The following GOSR2 variants were observed in gnomAD, a reference collection of about 807,000 sequenced individuals.
GOSR2 encodes 27 kDa Golgi SNARE protein.
In GOSR2, 20 loss-of-function variants were observed where a neutral mutation model predicts 27.9. The ratio of observed to expected loss-of-function variants is 0.72; its 90% CI spans 0.50 to 1.04. The LOEUF (loss-of-function observed/expected upper bound fraction) is 1.04, where lower values mean the gene tolerates loss of function less well. Ranked by LOEUF, GOSR2 falls within the 50% of genes least tolerant of loss-of-function variation. The pLI is 0.00. For missense variants in GOSR2, 261 were observed against 270.5 expected (o/e 0.97, Z 0.25); for synonymous variants, 91 against 98.8 (o/e 0.92, Z 0.47).
Position 46,939,348 on chromosome 17 carries a change from G to A in GOSR2, c.*588G>A, listed in dbSNP as rs1342325710. ...AGCAGCTACCTAGGGGAAACAAGAT[G>A]TAGTGCTATTGCCGATAACAAGTAA... On this transcript the variant is annotated 3_prime_UTR_variant, in exon 6 of 6. Coordinates refer to ENST00000640051, the MANE Select transcript of GOSR2 (RefSeq NM_004287.5). 9.9e-7 allele frequency: 1 copy of A among 1,007,354 alleles called. No individual in the cohort carries two copies. Among genetic ancestry groups the A allele is most frequent in the Non-Finnish European group, 1.2e-6 (1 of 840,988 alleles). 62.4% of individuals were successfully genotyped at this position (1,007,354 alleles called of 1,614,324 possible).
At chr17:46,924,934 A>T (rs2086261774) in intron 1 of GOSR2, among the ~76,000 whole-genome samples, 1 of 152,226 alleles carries the variant, frequency 6.6e-6, no homozygotes, top group Admixed American at 6.5e-5. Context: ...CAAGAAGGCC[A>T]TGACCCATTT....
intron 1 of GOSR2, chr17:46,923,631 G>A (rs7225428): frequency 0.6 from 730,208 of 1,209,752 alleles, 221,307 homozygotes; most frequent in Non-Finnish European, 0.61. Flanking sequence ...TGGAGAGTCA[G>A]GGCACGTACG....
Position 46,941,550 on chromosome 17 carries a change from C to A in GOSR2, c.*2790C>A. On this transcript the variant is annotated 3_prime_UTR_variant, in exon 6 of 6. Transcript: ENST00000640051. ...GCCTACCCCAGATCTGAATTAGAACCTTTTTTAAATCTCTAAGGTGATTTT... is the reference window on the plus strand; with the variant it reads ...GCCTACCCCAGATCTGAATTAGAACATTTTTTAAATCTCTAAGGTGATTTT... 3.3e-6 allele frequency: 1 copy of A among 302,102 alleles called. No homozygotes were observed. Among genetic ancestry groups the A allele is most frequent in the Non-Finnish European group, 4.9e-6 (1 of 205,446 alleles). 18.7% of individuals were successfully genotyped at this position (302,102 alleles called of 1,614,324 possible).
intron 1 of GOSR2, among the ~76,000 whole-genome samples, chr17:46,925,372 A>G (rs1468888435): frequency 3.3e-5 from 5 of 152,186 alleles, no homozygotes; most frequent in African/African-American, 1.2e-4. Flanking sequence ...AGCACCTACT[A>G]TGTGCTGTGC....
At chr17:46,973,353 G>A (rs749921121) in intron 6 of GOSR2, among the ~76,000 whole-genome samples, 23 of 151,772 alleles carry the variant, frequency 1.5e-4, no homozygotes, top group Non-Finnish European at 2.5e-4. Context: ...ATATAGATGG[G>A]GGTCCCACTG....
intron 6 of GOSR2, among the ~76,000 whole-genome samples, chr17:46,965,817 G>T (rs1452304830): frequency 6.7e-6 from 1 of 150,098 alleles, no homozygotes; most frequent in African/African-American, 2.5e-5. Flanking sequence ...TTTTTGTAGA[G>T]GCGGGGTCTC....
Position 46,941,130 on chromosome 17 carries a change from A to G in GOSR2, c.*2370A>G, listed in dbSNP as rs1599077800. 9.8e-7 allele frequency: 1 copy of G among 1,018,736 alleles called. No homozygotes were observed. The highest frequency in any genetic ancestry group is 1.2e-6 in the Non-Finnish European group (1 of 848,102). The allele number at this position is 1,018,736 out of a possible 1,614,324, so 63.1% of individuals were successfully genotyped here. On this transcript the variant is annotated 3_prime_UTR_variant, in exon 6 of 6. Coordinates refer to ENST00000640051, the MANE Select transcript of GOSR2 (RefSeq NM_004287.5). ...TAAAACAGGTGGGTTATCAAGAGGA[A>G]CTTGAGATCTCTTTATTACATGGAC... is the stretch of plus-strand genomic sequence containing the variant.
chr17:46,960,921 A>G (rs1829388674), intron 6 of GOSR2, among the ~76,000 whole-genome samples: 1 of 152,174 alleles, frequency 6.6e-6, no homozygotes, highest in African/African-American at 2.4e-5. Context: ...TGATGACACA[A>G]CTCTAAGTAT....
At chr17:46,923,385 C>G in intron 1 of GOSR2, 164 bp downstream of exon 1, 1 of 1,465,264 alleles carries the variant, frequency 6.8e-7, no homozygotes, top group Non-Finnish European at 9.0e-7. Context: ...GCGGGACTCC[C>G]AGGTCAGCCA....
At chr17:46,951,418 T>C (rs1283921313) in intron 6 of GOSR2, among the ~76,000 whole-genome samples, 1 of 152,140 alleles carries the variant, frequency 6.6e-6, no homozygotes, top group Non-Finnish European at 1.5e-5. Flanking sequence ...GAGCCTGGGC[T>C]CCTCGCCCAG....
intron 1 of GOSR2, 122 bp downstream of exon 1, chr17:46,923,343 G>A (rs2085982502): frequency 4.6e-6 from 7 of 1,523,930 alleles, no homozygotes; most frequent in African/African-American, 1.4e-5. Context: ...CCAGGGCACT[G>A]CTGGGGATGC....
intron 6 of GOSR2, among the ~76,000 whole-genome samples, chr17:46,949,663 G>A (rs961780729): frequency 6.6e-6 from 1 of 152,194 alleles, no homozygotes; most frequent in African/African-American, 2.4e-5. Flanking sequence ...CGTCACACAG[G>A]TACAAGGTGC....
intron 5 of GOSR2, chr17:46,935,999 T>G (rs1352994905): frequency 1.5e-5 from 15 of 985,766 alleles, no homozygotes; most frequent in Non-Finnish European, 1.8e-5. Context: ...TGGATCATGT[T>G]GAGTCTGTCA....
chr17:46,961,468 G>A (rs1357456152), intron 6 of GOSR2, among the ~76,000 whole-genome samples: 1 of 152,124 alleles, frequency 6.6e-6, no homozygotes, highest in African/African-American at 2.4e-5. Flanking sequence ...TCAGGAGTTC[G>A]AGGCTGCAGT....
At chr17:46,928,375 C>T (rs1186261489) in intron 1 of GOSR2, among the ~76,000 whole-genome samples, 2 of 152,192 alleles carry the variant, frequency 1.3e-5, no homozygotes, top group Admixed American at 6.5e-5. Flanking sequence ...TGGTTGCTGA[C>T]CTTTCCTCCA....
chr17:46,940,013 G>C lies in GOSR2; in HGVS notation c.*1253G>C. On this transcript the variant is annotated 3_prime_UTR_variant, in exon 6 of 6. Transcript: ENST00000640051. ...TCCTTCAGATCTGGAAACCGGCTCA[G>C]TATTAACCCTACCTTTGGTTGTCCT... is the stretch of plus-strand genomic sequence containing the variant. 9.7e-7 allele frequency: 1 copy of C among 1,034,916 alleles called. No individual in the cohort carries two copies. The highest frequency in any genetic ancestry group is 3.8e-5 in the South Asian group (1 of 26,484). The allele number at this position is 1,034,916 out of a possible 1,614,324, so 64.1% of individuals were successfully genotyped here. A position where few individuals can be genotyped will look rare whatever the true frequency, so the allele number is the denominator to read the frequency against.
chr17:46,939,315 T>C lies in GOSR2; in HGVS notation c.*555T>C. 1 of 1,012,342 alleles carries C rather than the reference T, an allele frequency of 9.9e-7. No homozygotes were observed. Among genetic ancestry groups the C allele is most frequent in the Non-Finnish European group, 1.2e-6 (1 of 843,922 alleles). 62.7% of individuals were successfully genotyped at this position (1,012,342 alleles called of 1,614,324 possible). On this transcript the variant is annotated 3_prime_UTR_variant, in exon 6 of 6. Coordinates refer to ENST00000640051, the MANE Select transcript of GOSR2 (RefSeq NM_004287.5). The stretch of plus-strand genomic sequence containing the variant: ...ACTGACTGCCAATACTTGTCACCAT[T>C]CCCTGGAAGCAGCTACCTAGGGGAA...
chr17:46,974,787 G>T (rs2147351042), intron 6 of GOSR2, among the ~76,000 whole-genome samples: 1 of 150,950 alleles, frequency 6.6e-6, no homozygotes, highest in South Asian at 2.1e-4. Flanking sequence ...TCCCAGCTCT[G>T]CCCCTTTCTA....
intron 6 of GOSR2, among the ~76,000 whole-genome samples, chr17:46,956,999 C>T (rs550505117): frequency 7.2e-5 from 11 of 152,246 alleles, no homozygotes; most frequent in Admixed American, 3.3e-4. Context: ...CGAGGCTGCC[C>T]GCTGACAGGT....
Sources: allele counts gnomAD v4.1 joint callset (sites outside exome capture counted in the v4.1 genomes callset), GRCh38; gene constraint gnomAD v4.1.1; transcripts MANE v1.5; gene names NCBI Gene and HGNC (gene_info 2026-07-23, HGNC 2026-07-21).